ZNF407: variants seen among roughly 807,000 people sequenced by gnomAD.
The protein encoded by ZNF407 is zinc finger protein 407.
Under a neutral mutation model 131.2 loss-of-function variants are expected in ZNF407, and 17 were observed. That is an observed-to-expected ratio of 0.13 (90% CI 0.09 to 0.19). The LOEUF (loss-of-function observed/expected upper bound fraction) is 0.19. Ranked by LOEUF, ZNF407 falls within the 10% of genes least tolerant of loss-of-function variation. The pLI, the probability that ZNF407 is intolerant of heterozygous loss-of-function variation, is 1.00. For missense variants in ZNF407, 2,681 were observed against 2,830.6 expected (o/e 0.95, Z 1.20); for synonymous variants, 1,156 against 1,062.0 (o/e 1.09, Z -1.72).
At chr18:74,909,170 GAT>G (rs2145220443) in intron 7 of ZNF407, among the ~76,000 whole-genome samples, 1 of 151,196 alleles carries the variant, frequency 6.6e-6, no homozygotes, top group East Asian at 1.9e-4. Flanking sequence ...TTGCACACAT[GAT>G]ACACACCTCA....
chr18:74,650,700 G>T (rs889263960), intron 3 of ZNF407, among the ~76,000 whole-genome samples: 3 of 152,206 alleles, frequency 2.0e-5, no homozygotes, highest in African/African-American at 7.2e-5. Flanking sequence ...CATTTTTGAA[G>T]TATTCATGGA....
intron 4 of ZNF407, chr18:74,804,151 C>G: frequency 6.9e-7 from 1 of 1,456,586 alleles, no homozygotes; most frequent in East Asian, 2.6e-5. Flanking sequence ...TTTTTTTTTT[C>G]CTTTTATCTG....
Position 74,635,263 on chromosome 18 carries a change from G to C in ZNF407, c.4244G>C (p.Arg1415Pro). ...TCCATTGGTGAGTCTACACGAATTC[G>C]CTGTGATGATTGTGGCTTCTTAGCA... ...GSSIGESTRI[R>P]CDDCGFLADG... The change falls in exon 2 of 9, where the codon CGC becomes CCC. Residue 1415 changes from arginine to proline, a missense_variant. Physicochemically the swap from Arg to Pro is moderately radical, Grantham distance 103. This residue lies in a region of ZNF407 where 1,789 missense variants were observed against 1,748.7 expected (regional missense o/e 1.02). Coordinates refer to ENST00000299687, the MANE Select transcript of ZNF407 (RefSeq NM_017757.3). This position sits in a 1 kb window ranked among gnomAD's most constrained non-coding sequence, Gnocchi z 4.7. 1 of 1,613,992 alleles carries C rather than the reference G, an allele frequency of 6.2e-7. No homozygotes were observed. The highest frequency in any genetic ancestry group is 8.5e-7 in the Non-Finnish European group (1 of 1,179,890).
rs569660838 is a variant in ZNF407, at chr18:74,628,799, C to T, written c.-53-2168C>T. Among the ~76,000 whole-genome samples the T allele has an allele frequency of 4.6e-5, 7 of 152,070 alleles. No individual in the cohort carries two copies. In the East Asian group the frequency reaches 9.7e-4, roughly 21 times the overall value. On this transcript the variant is annotated intron_variant, in intron 1 of 8. Coordinates refer to ENST00000299687, the MANE Select transcript of ZNF407 (RefSeq NM_017757.3). ...CTTGCTGTGTTGCCCAGGCTGGTGT[C>T]GAACTACTGCACCCAAGCCATCCTC... is the stretch of plus-strand genomic sequence containing the variant.
chr18:74,817,406 C>T (rs1425712863), intron 4 of ZNF407, among the ~76,000 whole-genome samples: 1 of 152,142 alleles, frequency 6.6e-6, no homozygotes, highest in Non-Finnish European at 1.5e-5. Context: ...ATAAACAGCT[C>T]CCACACATCC....
chr18:75,050,648 T>C (rs1973489934), intron 8 of ZNF407, among the ~76,000 whole-genome samples: 1 of 152,250 alleles, frequency 6.6e-6, no homozygotes, highest in South Asian at 2.1e-4. Context: ...TAAGCTTGCC[T>C]GTTCTCTGTC....
chr18:74,804,583 A>G (rs994783626), intron 4 of ZNF407: 7 of 985,412 alleles, frequency 7.1e-6, no homozygotes, highest in Middle Eastern at 5.2e-4. Flanking sequence ...CAATGGTACT[A>G]TACATCTAAG....
At chr18:74,721,350 T>C (rs1968031835) in intron 3 of ZNF407, among the ~76,000 whole-genome samples, 1 of 152,144 alleles carries the variant, frequency 6.6e-6, no homozygotes, top group Non-Finnish European at 1.5e-5. Flanking sequence ...CGATGCCCAC[T>C]CTTACCTCCC....
chr18:74,771,745 G>A (rs1969365768), intron 3 of ZNF407, among the ~76,000 whole-genome samples: 1 of 151,752 alleles, frequency 6.6e-6, no homozygotes, highest in Non-Finnish European at 1.5e-5. Context: ...ATAACTGATT[G>A]TGTGGTATTT....
intron 4 of ZNF407, among the ~76,000 whole-genome samples, chr18:74,799,101 C>G (rs980173900): frequency 3.9e-5 from 6 of 151,980 alleles, no homozygotes; most frequent in African/African-American, 1.4e-4. Context: ...TATGAGTTTT[C>G]CCATATGATT....
intron 8 of ZNF407, among the ~76,000 whole-genome samples, chr18:74,980,268 T>C (rs58046060): frequency 0.035 from 5,332 of 150,534 alleles, 290 homozygotes; most frequent in African/African-American, 0.12. Context: ...TTTTTTTTTT[T>C]TTTCTTTAAA....
At chr18:74,848,454 A>C (rs1455223616) in intron 4 of ZNF407, among the ~76,000 whole-genome samples, 1 of 152,180 alleles carries the variant, frequency 6.6e-6, no homozygotes. Flanking sequence ...TTATGTCTAC[A>C]TGGGCATGTG....
Position 74,881,106 on chromosome 18 carries a change from C to T in ZNF407, c.5115C>T (p.Arg1705=), listed in dbSNP as rs1341876275. 1.9e-6 allele frequency: 3 copies of T among 1,574,950 alleles called. No individual in the cohort carries two copies. In the Admixed American group the frequency reaches 5.4e-5, roughly 28 times the overall value. Reference sequence around the variant, plus strand: ...CCCGCCACGCCCTCACCAAGCATCGCAGACAGCACACAGGTCAGTTCCGAT... The same window carrying T: ...CCCGCCACGCCCTCACCAAGCATCGTAGACAGCACACAGGTCAGTTCCGAT... ...GGTRHALTKH[R]RQHTGEKPFK... The change falls in exon 6 of 9, where the codon CGC becomes CGT. Residue 1705 remains arginine, a synonymous_variant. Transcript: ENST00000299687.
chr18:74,851,094 A>C (rs1367929812), intron 4 of ZNF407, among the ~76,000 whole-genome samples: 1 of 152,224 alleles, frequency 6.6e-6, no homozygotes, highest in East Asian at 1.9e-4. Context: ...TTTGAAGATA[A>C]ATTAACGTGT....
intron 3 of ZNF407, among the ~76,000 whole-genome samples, chr18:74,643,607 T>C (rs1235454675): frequency 6.6e-6 from 1 of 152,016 alleles, no homozygotes; most frequent in Non-Finnish European, 1.5e-5. Context: ...ACTCTTTTTC[T>C]TAGTAACCTC....
At chr18:74,848,659 CT>C (rs1347145682) in intron 4 of ZNF407, among the ~76,000 whole-genome samples, 1 of 152,132 alleles carries the variant, frequency 6.6e-6, no homozygotes, top group African/African-American at 2.4e-5. Flanking sequence ...AGTTATAACA[CT>C]GATCATTGGA....
intron 1 of ZNF407, among the ~76,000 whole-genome samples, chr18:74,606,927 G>GT (rs1982832142): frequency 6.6e-6 from 1 of 152,150 alleles, no homozygotes; most frequent in Non-Finnish European, 1.5e-5. Flanking sequence ...TGAAATACTA[G>GT]GGGTGGTCTT....
At chr18:74,752,009 T>A (rs1968815854) in intron 3 of ZNF407, among the ~76,000 whole-genome samples, 1 of 152,220 alleles carries the variant, frequency 6.6e-6, no homozygotes, top group Admixed American at 6.5e-5. Flanking sequence ...GTGTTCCTAT[T>A]TCTCCATATC....
intron 8 of ZNF407, among the ~76,000 whole-genome samples, chr18:75,019,409 T>C (rs1973081036): frequency 6.6e-6 from 1 of 152,164 alleles, no homozygotes; most frequent in African/African-American, 2.4e-5. Flanking sequence ...ATATCCATGG[T>C]TGTGATTTCT....
Sources: allele counts gnomAD v4.1 joint callset (sites outside exome capture counted in the v4.1 genomes callset), GRCh38; gene constraint gnomAD v4.1.1; regional missense constraint gnomAD v4.1.1; non-coding constraint Gnocchi (gnomAD v3.1); transcripts MANE v1.5; gene names NCBI Gene and HGNC (gene_info 2026-07-23, HGNC 2026-07-21).